DSCAM: variants seen among roughly 807,000 people sequenced by gnomAD.
DSCAM encodes cell adhesion molecule DSCAM.
DSCAM carries 47 observed loss-of-function variants against 217.7 expected under a neutral mutation model. The observed-to-expected ratio is 0.22, with a 90% CI of 0.17 to 0.28. The LOEUF (loss-of-function observed/expected upper bound fraction) is 0.28, where lower values mean the gene tolerates loss of function less well. Ranked by LOEUF, DSCAM falls within the 10% of genes least tolerant of loss-of-function variation. DSCAM has a pLI of 1.00. For missense variants in DSCAM, 2,080 were observed against 2,618.3 expected, an observed-to-expected ratio of 0.79 and a Z score of 4.49; for synonymous variants, 1,056 against 1,015.3, an observed-to-expected ratio of 1.04 and a Z score of -0.76.
intron 3 of DSCAM, among the ~76,000 whole-genome samples, chr21:40,627,066 G>A (rs2089610531): frequency 6.6e-6 from 1 of 152,150 alleles, no homozygotes; most frequent in South Asian, 2.1e-4. Flanking sequence ...AACAGATTCT[G>A]ACTGAGAGAT....
At chr21:40,778,922 G>T (rs960001045) in intron 1 of DSCAM, among the ~76,000 whole-genome samples, 1 of 151,762 alleles carries the variant, frequency 6.6e-6, no homozygotes, top group African/African-American at 2.4e-5. Context: ...TACTCGGTAG[G>T]CTGAGGCAGG....
At chr21:40,489,870 G>T (rs1323271236) in intron 3 of DSCAM, among the ~76,000 whole-genome samples, 3 of 150,542 alleles carry the variant, frequency 2.0e-5, no homozygotes, top group Non-Finnish European at 4.4e-5. Flanking sequence ...TTTGGAAATG[G>T]AAATAAAAAT....
chr21:40,494,249 G>T (rs749850526), intron 3 of DSCAM, among the ~76,000 whole-genome samples: 1 of 152,136 alleles, frequency 6.6e-6, no homozygotes, highest in Non-Finnish European at 1.5e-5. Flanking sequence ...AAAAGACAAA[G>T]AGTGGATAAG....
chr21:40,141,666 CGG>C (rs555883971), intron 18 of DSCAM, among the ~76,000 whole-genome samples: 2 of 151,682 alleles, frequency 1.3e-5, no homozygotes, highest in South Asian at 4.2e-4. Flanking sequence ...TGTCCAGTGA[CGG>C]GGGGTGCAGG....
In DSCAM at chr21:40,071,676, T is replaced by C. The variant is rs575620319; in HGVS notation, c.4888+3361A>G. On this transcript the variant is annotated intron_variant, in intron 27 of 32. Transcript: ENST00000400454. The stretch of plus-strand genomic sequence containing the variant: ...TGGTTGCTCACGCAACACTGACATG[T>C]TACTAGAAATGTTGTCCTTAATTTT... Among the ~76,000 whole-genome samples the C allele has an allele frequency of 2.0e-5, 3 of 152,368 alleles. No homozygotes were observed. The South Asian group carries it at 6.2e-4, about 32-fold the overall frequency.
chr21:40,392,304 A>T (rs1052792317), intron 3 of DSCAM, among the ~76,000 whole-genome samples: 2 of 152,210 alleles, frequency 1.3e-5, no homozygotes, highest in Non-Finnish European at 2.9e-5. Context: ...GTTAAAGATA[A>T]ACAGTGTTTG....
intron 3 of DSCAM, among the ~76,000 whole-genome samples, chr21:40,657,822 T>G (rs2090092772): frequency 6.6e-6 from 1 of 152,000 alleles, no homozygotes; most frequent in Non-Finnish European, 1.5e-5. Context: ...TACCTGAGGG[T>G]GGGGGAGGCA....
chr21:40,280,329 G>A (rs544964578), intron 10 of DSCAM, among the ~76,000 whole-genome samples: 5 of 151,406 alleles, frequency 3.3e-5, no homozygotes, highest in South Asian at 2.1e-4. Flanking sequence ...CTATAATACC[G>A]GCAGACACCA....
chr21:40,525,155 A>T (rs1393932730), intron 3 of DSCAM, among the ~76,000 whole-genome samples: 1 of 152,236 alleles, frequency 6.6e-6, no homozygotes, highest in Admixed American at 6.5e-5. Flanking sequence ...ATCTGTTCAT[A>T]CTACTTGTGT....
At chr21:40,251,349 A>T (rs1469410548) in intron 11 of DSCAM, among the ~76,000 whole-genome samples, 1 of 152,262 alleles carries the variant, frequency 6.6e-6, no homozygotes, top group Non-Finnish European at 1.5e-5. Flanking sequence ...ACATATTAGC[A>T]GAGAGAAAAA....
chr21:40,770,560 C>T (rs2091435484), intron 1 of DSCAM, among the ~76,000 whole-genome samples: 1 of 152,210 alleles, frequency 6.6e-6, no homozygotes, highest in Non-Finnish European at 1.5e-5. Context: ...CAAGTCAGGG[C>T]TCACAGCCCT....
intron 3 of DSCAM, among the ~76,000 whole-genome samples, chr21:40,660,845 A>C (rs994028956): frequency 3.3e-5 from 5 of 152,248 alleles, no homozygotes; most frequent in African/African-American, 9.6e-5. Flanking sequence ...ACAGAAATTT[A>C]GTGAAAAAAG....
chr21:40,744,499 T>C (rs953256068), intron 1 of DSCAM, among the ~76,000 whole-genome samples: 1 of 151,890 alleles, frequency 6.6e-6, no homozygotes, highest in Non-Finnish European at 1.5e-5. Flanking sequence ...CCAGTACGTA[T>C]TTAAGTCTTT....
intron 11 of DSCAM, among the ~76,000 whole-genome samples, chr21:40,259,424 A>C (rs2073418038): frequency 6.6e-6 from 1 of 152,046 alleles, no homozygotes; most frequent in South Asian, 2.1e-4. Flanking sequence ...CTCTGAGCAA[A>C]TACAGAAGCT....
In DSCAM at chr21:40,142,617, G is replaced by A; in HGVS notation, c.3347C>T (p.Ala1116Val). ...SISWSTLSKE[A>V]LNGILQGFRV... The stretch of plus-strand genomic sequence containing the variant: ...GAACCCCTGGAGAATTCCATTCAAG[G>A]CTTCCTTGGAAAGTGTGGACCAGGA... The change falls in exon 18 of 33, where the codon GCC becomes GTC. Residue 1116 changes from alanine to valine, a missense_variant. By Grantham distance (64) the Ala-to-Val change is moderately conservative. Transcript: ENST00000400454. 1.2e-6 allele frequency: 2 copies of A among 1,614,154 alleles called. No homozygotes were observed. Among genetic ancestry groups the A allele is most frequent in the African/African-American group, 1.3e-5 (1 of 75,036 alleles).
chr21:40,777,556 G>A (rs1005794815), intron 1 of DSCAM, among the ~76,000 whole-genome samples: 6 of 152,044 alleles, frequency 3.9e-5, no homozygotes, highest in Non-Finnish European at 7.4e-5. Context: ...GGGAGAAAAC[G>A]AAAATAATCA....
intron 30 of DSCAM, among the ~76,000 whole-genome samples, chr21:40,050,049 G>A (rs1276356198): frequency 5.3e-5 from 8 of 152,194 alleles, no homozygotes; most frequent in Admixed American, 1.3e-4. Context: ...GCCCTGCTGC[G>A]TTACATGCAG....
At chr21:40,481,005 A>C (rs11088518) in intron 3 of DSCAM, among the ~76,000 whole-genome samples, 30,718 of 152,084 alleles carry the variant, frequency 0.2, 3,208 homozygotes, top group South Asian at 0.23. Flanking sequence ...AGGATGCCCT[A>C]CACCCTGAAA....
At chr21:40,710,502 C>T (rs1364339414) in intron 1 of DSCAM, among the ~76,000 whole-genome samples, 5 of 152,114 alleles carry the variant, frequency 3.3e-5, no homozygotes, top group Non-Finnish European at 7.4e-5. Flanking sequence ...TGGTTCTATA[C>T]GGACTTCACA....
Sources: allele counts gnomAD v4.1 joint callset (sites outside exome capture counted in the v4.1 genomes callset), GRCh38; gene constraint gnomAD v4.1.1; transcripts MANE v1.5; gene names NCBI Gene and HGNC (gene_info 2026-07-23, HGNC 2026-07-21).